The following OPCML variants were observed in gnomAD, a reference collection of about 807,000 sequenced individuals.
The protein encoded by OPCML is opioid binding protein/cell adhesion molecule like, also known as opioid-binding protein/cell adhesion molecule.
OPCML carries 13 observed loss-of-function variants against 37.8 expected under a neutral mutation model. That is an observed-to-expected ratio of 0.34 (90% CI 0.22 to 0.55). OPCML has a LOEUF of 0.55. OPCML is among the 20% of genes least tolerant of loss of function. The pLI is 0.91. For synonymous variants in OPCML, 176 were observed against 168.8 expected, an observed-to-expected ratio of 1.04 and a Z score of -0.33; for missense variants, 341 against 435.6, an observed-to-expected ratio of 0.78 and a Z score of 1.93.
At chr11:132,460,060 T>A (rs950976863) in intron 4 of OPCML, among the ~76,000 whole-genome samples, 1 of 152,218 alleles carries the variant, frequency 6.6e-6, no homozygotes, top group Non-Finnish European at 1.5e-5. Flanking sequence ...CCAAACAGTC[T>A]AACAGGTGAT....
intron 1 of OPCML, among the ~76,000 whole-genome samples, chr11:133,028,894 CAA>C (rs56272022): frequency 0.11 from 15,373 of 140,074 alleles, 1,233 homozygotes; most frequent in East Asian, 0.3. Context: ...CTGCACACAG[CAA>C]AAAAAAAAAA....
intron 2 of OPCML, among the ~76,000 whole-genome samples, chr11:132,897,585 C>T (rs778368562): frequency 1.2e-4 from 18 of 152,164 alleles, no homozygotes; most frequent in Non-Finnish European, 1.6e-4. Flanking sequence ...AGAGAAAAAT[C>T]GGGCTTTGTG....
chr11:132,686,545 T>A (rs1369046771), intron 2 of OPCML, among the ~76,000 whole-genome samples: 1 of 152,204 alleles, frequency 6.6e-6, no homozygotes. Flanking sequence ...GTGCCTCTTA[T>A]GCAAATAGTT....
intron 2 of OPCML, among the ~76,000 whole-genome samples, chr11:132,937,601 T>TGGGGG (rs1565353481): frequency 2.0e-5 from 1 of 50,282 alleles, no homozygotes; most frequent in Non-Finnish European, 4.8e-5. Context: ...GTGGGGTGTG[T>TGGGGG]GTGTGTGTGT....
chr11:133,012,383 T>C (rs546003534), intron 1 of OPCML, among the ~76,000 whole-genome samples: 1 of 152,060 alleles, frequency 6.6e-6, no homozygotes, highest in East Asian at 1.9e-4. Context: ...CTCTAGAAGA[T>C]TGGGATTGGA....
intron 3 of OPCML, among the ~76,000 whole-genome samples, chr11:132,627,702 A>G (rs953412770): frequency 2.0e-5 from 3 of 152,248 alleles, no homozygotes; most frequent in South Asian, 2.1e-4. Flanking sequence ...AGAGAACAGC[A>G]TGCAAAATGG....
intron 2 of OPCML, among the ~76,000 whole-genome samples, chr11:132,911,356 C>T (rs1944422349): frequency 6.6e-6 from 1 of 152,192 alleles, no homozygotes; most frequent in Admixed American, 6.5e-5. Flanking sequence ...AATGACCCTG[C>T]AAACAATCAT....
chr11:132,901,717 T>C (rs1194766311), intron 2 of OPCML, among the ~76,000 whole-genome samples: 1 of 152,242 alleles, frequency 6.6e-6, no homozygotes, highest in East Asian at 1.9e-4. Context: ...TCTATATTTC[T>C]CTGCGACAGC....
chr11:133,307,855 T>A (rs975408201), intron 1 of OPCML, among the ~76,000 whole-genome samples: 51 of 151,298 alleles, frequency 3.4e-4, no homozygotes, highest in Non-Finnish European at 4.7e-4. Context: ...CCAAGTTTTT[T>A]TTTTTTAAAT....
At chr11:133,365,050 A>T (rs1437614384) in intron 1 of OPCML, among the ~76,000 whole-genome samples, 2 of 39,668 alleles carry the variant, frequency 5.0e-5, no homozygotes, top group Non-Finnish European at 9.8e-5. Context: ...TCTCTCTTTC[A>T]CACACACACA....
intron 3 of OPCML, among the ~76,000 whole-genome samples, chr11:132,539,266 G>T (rs2137355558): frequency 6.6e-6 from 1 of 152,330 alleles, no homozygotes; most frequent in South Asian, 2.1e-4. Context: ...TTACTGGTCA[G>T]TGAGTTTGGT....
chr11:133,058,338 C>T (rs911248124), intron 1 of OPCML, among the ~76,000 whole-genome samples: 1 of 152,026 alleles, frequency 6.6e-6, no homozygotes, highest in Non-Finnish European at 1.5e-5. Context: ...GAGAGCAATT[C>T]CAGGTACAAA....
rs182273591 is a variant in OPCML at position 132,840,192 on chromosome 11, G to A, written c.146+102734C>T. ...AGAGCCTGACACAAAACTTCTGACG[G>A]CATTTAGCTTGCATGTGTAGGGTTG... On this transcript the variant is annotated intron_variant, in intron 2 of 7. Transcript: ENST00000524381. Among the ~76,000 whole-genome samples the A allele has an allele frequency of 2.6e-4, 39 of 152,276 alleles. No individual in the cohort carries two copies. In the East Asian group the frequency reaches 6.0e-3, roughly 23 times the overall value.
chr11:133,458,559 A>ATACACATATATACACGTGTGTG lies in OPCML; in HGVS notation c.61+73683_61+73704dup, dbSNP rs1306498984. On this transcript the variant is annotated intron_variant, in intron 1 of 7. Transcript: ENST00000524381. ...TACACATATATACACGTGTGTGTGTATACACATATATACACGTGTGTGTAC... is the reference window on the plus strand; with the variant it reads ...TACACATATATACACGTGTGTGTGTATACACATATATACACGTGTGTGTACACATATATACACGTGTGTGTAC... Among the ~76,000 whole-genome samples, 7 of 87,374 alleles carry ATACACATATATACACGTGTGTG rather than the reference A, an allele frequency of 8.0e-5. 1 individual carries two copies. The East Asian group carries it at 8.4e-4, about 11-fold the overall frequency. 57.3% of individuals were successfully genotyped at this position (87,374 alleles called of 152,430 possible).
chr11:133,405,669 T>C (rs1313355246), intron 1 of OPCML, among the ~76,000 whole-genome samples: 1 of 152,182 alleles, frequency 6.6e-6, no homozygotes, highest in Non-Finnish European at 1.5e-5. Flanking sequence ...GCTTTGAGGC[T>C]TCCCATATTC....
intron 1 of OPCML, among the ~76,000 whole-genome samples, chr11:133,323,562 G>C (rs11605323): frequency 0.025 from 3,760 of 152,204 alleles, 68 homozygotes; most frequent in Non-Finnish European, 0.038. Context: ...TCATGCTATT[G>C]GTGGTGTTCA....
At chr11:132,437,751 A>C (rs567294309) in intron 4 of OPCML, among the ~76,000 whole-genome samples, 1 of 152,256 alleles carries the variant, frequency 6.6e-6, no homozygotes, top group Non-Finnish European at 1.5e-5. Flanking sequence ...GAATAACTTT[A>C]GGGTATGTTA....
chr11:133,446,489 G>A (rs1313016710), intron 1 of OPCML, among the ~76,000 whole-genome samples: 1 of 152,122 alleles, frequency 6.6e-6, no homozygotes, highest in Non-Finnish European at 1.5e-5. Context: ...TGGTGGTGTA[G>A]TCATAGCTCG....
intron 1 of OPCML, among the ~76,000 whole-genome samples, chr11:133,477,054 C>A (rs536269152): frequency 5.9e-5 from 9 of 152,254 alleles, no homozygotes; most frequent in African/African-American, 1.7e-4. Flanking sequence ...CACAACCCTC[C>A]CTGAGGTTTG....
Sources: gnomAD v4.1 joint callset for allele counts (sites outside exome capture counted in the v4.1 genomes callset) on GRCh38, gnomAD v4.1.1 for gene constraint, MANE v1.5 for transcripts, NCBI Gene and HGNC (gene_info 2026-07-23, HGNC 2026-07-21) for gene names.